Variants in EPB41L4A observed in about 807,000 individuals in gnomAD.
EPB41L4A encodes the protein band 4.1-like protein 4A.
EPB41L4A carries 100 observed loss-of-function variants against 108.6 expected under a neutral mutation model. The observed-to-expected ratio is 0.92, with a 90% CI of 0.78 to 1.09. The LOEUF is 1.09. EPB41L4A is among the 50% of genes least tolerant of loss of function. EPB41L4A has a pLI of 0.00. For synonymous variants in EPB41L4A, 319 were observed against 289.0 expected (o/e 1.10, Z -1.05); for missense variants, 1,030 against 842.7 (o/e 1.22, Z -2.75).
At chr5:112,186,505 T>TC (rs1761434330) in intron 17 of EPB41L4A, among the ~76,000 whole-genome samples, 1 of 152,244 alleles carries the variant, frequency 6.6e-6, no homozygotes, top group African/African-American at 2.4e-5. Flanking sequence ...TACCTTTTTT[T>TC]CTAACTGAAA....
At chr5:112,205,388 T>C (rs1762423980) in intron 14 of EPB41L4A, 33 bp downstream of exon 14, 10 of 1,560,390 alleles carry the variant, frequency 6.4e-6, no homozygotes, top group Non-Finnish European at 8.8e-6. Flanking sequence ...CCTTTTCTAC[T>C]GTCTCCTTTA....
intron 1 of EPB41L4A, among the ~76,000 whole-genome samples, chr5:112,387,177 G>C (rs1760603957): frequency 1.3e-5 from 2 of 152,214 alleles, no homozygotes; most frequent in South Asian, 2.1e-4. Flanking sequence ...ATCGTGGCCA[G>C]ATCCAGCTTC....
chr5:112,381,795 G>T (rs756158807), intron 1 of EPB41L4A, among the ~76,000 whole-genome samples: 1 of 152,208 alleles, frequency 6.6e-6, no homozygotes, highest in Non-Finnish European at 1.5e-5. Context: ...CCCTGTCTTC[G>T]TAAGAATCAA....
At chr5:112,337,175 A>T (rs1756971028) in intron 1 of EPB41L4A, among the ~76,000 whole-genome samples, 1 of 152,220 alleles carries the variant, frequency 6.6e-6, no homozygotes, top group South Asian at 2.1e-4. Flanking sequence ...TATATAAATG[A>T]AATTTTATCA....
chr5:112,328,788 A>C (rs1554098208), intron 1 of EPB41L4A, among the ~76,000 whole-genome samples: 1 of 152,244 alleles, frequency 6.6e-6, no homozygotes, highest in African/African-American at 2.4e-5. Flanking sequence ...TTTTTTGGTT[A>C]GTTGATACAT....
At chr5:112,176,191 G>A (rs187637196) in intron 18 of EPB41L4A, among the ~76,000 whole-genome samples, 3 of 152,312 alleles carry the variant, frequency 2.0e-5, no homozygotes, top group African/African-American at 7.2e-5. Flanking sequence ...TACCATCAGT[G>A]TTGTAGAGAT....
intron 17 of EPB41L4A, among the ~76,000 whole-genome samples, chr5:112,185,680 T>C (rs1348012965): frequency 6.6e-6 from 1 of 152,234 alleles, no homozygotes; most frequent in Non-Finnish European, 1.5e-5. Flanking sequence ...CTTTCTCTCA[T>C]TGCATGTACA....
rs550414702 is a variant in EPB41L4A, at chr5:112,234,836, C to G, written c.966-81G>C. On this transcript the variant is annotated intron_variant, in intron 11 of 22. Coordinates refer to ENST00000261486, the MANE Select transcript of EPB41L4A (RefSeq NM_022140.5). ...AACAACAGGTCATTCAGAACATCTG[C>G]CAAATATGGAGAGAAGAAAAAACAC... 2.1e-6 allele frequency: 3 copies of G among 1,451,742 alleles called. No individual in the cohort carries two copies. In the Admixed American group the frequency reaches 5.9e-5, roughly 28 times the overall value. The allele number at this position is 1,451,742 out of a possible 1,614,324, so 89.9% of individuals were successfully genotyped here.
At chr5:112,286,957 C>T (rs1408121241) in intron 2 of EPB41L4A, among the ~76,000 whole-genome samples, 2 of 152,156 alleles carry the variant, frequency 1.3e-5, no homozygotes, top group Admixed American at 1.3e-4. Context: ...GTTCCATCAT[C>T]CATGTTCTTG....
intron 1 of EPB41L4A, among the ~76,000 whole-genome samples, chr5:112,319,797 G>A (rs1755655191): frequency 6.6e-6 from 1 of 152,102 alleles, no homozygotes; most frequent in Non-Finnish European, 1.5e-5. Context: ...ATTTGCCTGG[G>A]GTCCGTGGAT....
At chr5:112,406,659 T>A (rs1017033374) in intron 1 of EPB41L4A, among the ~76,000 whole-genome samples, 1 of 151,862 alleles carries the variant, frequency 6.6e-6, no homozygotes, top group African/African-American at 2.4e-5. Context: ...AGGGCGCAGT[T>A]AGGAGTATGG....
At chr5:112,261,082 G>C in intron 7 of EPB41L4A, among the ~76,000 whole-genome samples, 1 of 152,148 alleles carries the variant, frequency 6.6e-6, no homozygotes, top group South Asian at 2.1e-4. Context: ...CAAGATTAAT[G>C]TGGCTAAAGG....
At chr5:112,323,915 A>C (rs1755975115) in intron 1 of EPB41L4A, among the ~76,000 whole-genome samples, 1 of 152,240 alleles carries the variant, frequency 6.6e-6, no homozygotes, top group Non-Finnish European at 1.5e-5. Flanking sequence ...ACTAGAGCAC[A>C]ATTAAACATT....
chr5:112,371,198 C>T (rs148536118), intron 1 of EPB41L4A, among the ~76,000 whole-genome samples: 1 of 152,232 alleles, frequency 6.6e-6, no homozygotes, highest in Admixed American at 6.5e-5. Flanking sequence ...AACGCCCTAG[C>T]AGCTGTTAGC....
At chr5:112,236,493 A>T (rs1749340576) in intron 11 of EPB41L4A, among the ~76,000 whole-genome samples, 1 of 152,216 alleles carries the variant, frequency 6.6e-6, no homozygotes, top group South Asian at 2.1e-4. Flanking sequence ...TTGTTCTTAC[A>T]ATTTCCTGGC....
chr5:112,418,621 G>A (rs1044258981), intron 1 of EPB41L4A, among the ~76,000 whole-genome samples: 3 of 152,148 alleles, frequency 2.0e-5, no homozygotes, highest in African/African-American at 7.2e-5. Context: ...AACCCATTCT[G>A]CCCCTCTTTG....
chr5:112,356,173 A>G (rs1758348249), intron 1 of EPB41L4A, among the ~76,000 whole-genome samples: 1 of 152,160 alleles, frequency 6.6e-6, no homozygotes, highest in Non-Finnish European at 1.5e-5. Flanking sequence ...AAGTCCCACA[A>G]TGGCTCCCTG....
rs141978065 is a variant in EPB41L4A, at chr5:112,401,088, C to A, written c.99+17853G>T. Among the ~76,000 whole-genome samples the A allele has an allele frequency of 1.9e-3, 286 of 152,342 alleles. 1 individual carries two copies. Among genetic ancestry groups the A allele is most frequent in the African/African-American group, 6.4e-3 (268 of 41,568 alleles). On this transcript the variant is annotated intron_variant, in intron 1 of 22. Coordinates refer to ENST00000261486, the MANE Select transcript of EPB41L4A (RefSeq NM_022140.5). ...TCTTCTTTCCCTACCAAACAAGCAT[C>A]CACATTGTTGAAAATAGGAAATTTC...
chr5:112,279,590 G>A (rs1352995403), intron 3 of EPB41L4A, among the ~76,000 whole-genome samples: 2 of 152,004 alleles, frequency 1.3e-5, no homozygotes, highest in African/African-American at 4.8e-5. Flanking sequence ...CATTTTATAT[G>A]TTATGTACCT....
Sources: allele counts gnomAD v4.1 joint callset (sites outside exome capture counted in the v4.1 genomes callset), GRCh38; gene constraint gnomAD v4.1.1; transcripts MANE v1.5; gene names NCBI Gene and HGNC (gene_info 2026-07-23, HGNC 2026-07-21).